The following SPAG16 variants were observed in gnomAD, a reference collection of about 807,000 sequenced individuals.
SPAG16 encodes sperm associated antigen 16, also known as sperm-associated antigen 16 protein.
Under a neutral mutation model 80.4 loss-of-function variants are expected in SPAG16, and 86 were observed. The ratio of observed to expected loss-of-function variants is 1.07; its 90% CI spans 0.90 to 1.28. The LOEUF (loss-of-function observed/expected upper bound fraction) is 1.28, where lower values mean the gene tolerates loss of function less well. SPAG16 is among the 50% of genes most tolerant of loss of function. The probability of loss-of-function intolerance (pLI) is 0.00; values close to 1 mark genes in which losing one functional copy is unlikely to be tolerated. For synonymous variants in SPAG16, 294 were observed against 265.9 expected (o/e 1.11, Z -1.03); for missense variants, 870 against 765.3 (o/e 1.14, Z -1.61).
intron 14 of SPAG16, among the ~76,000 whole-genome samples, chr2:214,112,956 G>C (rs940226255): frequency 3.3e-5 from 5 of 152,124 alleles, no homozygotes; most frequent in Non-Finnish European, 5.9e-5. Context: ...ACAGTGGCTG[G>C]TACTGGTTGT....
At chr2:213,387,486 A>G (rs1435155091) in intron 9 of SPAG16, among the ~76,000 whole-genome samples, 67 of 3,730 alleles carry the variant, frequency 0.018, 13 homozygotes, top group African/African-American at 0.026. Flanking sequence ...TCTGTCGCCC[A>G]GGCTGGAGTG....
At chr2:213,778,957 C>T (rs189085715) in intron 10 of SPAG16, among the ~76,000 whole-genome samples, 38 of 152,222 alleles carry the variant, frequency 2.5e-4, no homozygotes, top group African/African-American at 8.7e-4. Context: ...ATGACATAGC[C>T]ACCATATTTC....
At chr2:214,050,150 GA>G (rs930006600) in intron 13 of SPAG16, among the ~76,000 whole-genome samples, 3 of 151,942 alleles carry the variant, frequency 2.0e-5, no homozygotes, top group Non-Finnish European at 2.9e-5. Context: ...AAGCCATATG[GA>G]AAAAACTACC....
At chr2:213,756,941 A>G (rs191410937) in intron 10 of SPAG16, among the ~76,000 whole-genome samples, 4 of 152,340 alleles carry the variant, frequency 2.6e-5, no homozygotes, top group Middle Eastern at 3.4e-3. Context: ...TGTTGTCTTT[A>G]TAGAGCAAAG....
chr2:214,095,413 G>T (rs1346915652), intron 13 of SPAG16, among the ~76,000 whole-genome samples: 1 of 152,136 alleles, frequency 6.6e-6, no homozygotes, highest in South Asian at 2.1e-4. Context: ...CACGGTGACT[G>T]GTGTTCACTT....
chr2:213,710,700 C>G lies in SPAG16; in HGVS notation c.1071-151785C>G, dbSNP rs984934831. ...TTCCTCTGAGGTACTACTTTCGTGG[C>G]AAAACTTTAGTGACCAAGACCTTTT... On this transcript the variant is annotated intron_variant, in intron 10 of 15. Coordinates refer to ENST00000331683, the MANE Select transcript of SPAG16 (RefSeq NM_024532.5). Among the ~76,000 whole-genome samples, 3 of 152,248 alleles carry G rather than the reference C, an allele frequency of 2.0e-5. No individual in the cohort carries two copies. In the East Asian group the frequency reaches 5.8e-4, roughly 29 times the overall value.
chr2:214,228,227 C>A (rs1298272945), intron 15 of SPAG16, among the ~76,000 whole-genome samples: 4 of 151,880 alleles, frequency 2.6e-5, no homozygotes, highest in Non-Finnish European at 5.9e-5. Context: ...TGTTAACTTT[C>A]TGCAAATTTC....
intron 10 of SPAG16, among the ~76,000 whole-genome samples, chr2:213,628,231 G>A (rs529783436): frequency 6.6e-6 from 1 of 152,242 alleles, no homozygotes; most frequent in Non-Finnish European, 1.5e-5. Flanking sequence ...TTTCTTATGA[G>A]GTCAGGAAAT....
intron 9 of SPAG16, among the ~76,000 whole-genome samples, chr2:213,470,563 G>A (rs2073022502): frequency 6.6e-6 from 1 of 152,170 alleles, no homozygotes; most frequent in African/African-American, 2.4e-5. Context: ...GCCATATTGT[G>A]GGCTCAGTGT....
chr2:213,933,896 C>T (rs987377676), intron 12 of SPAG16, among the ~76,000 whole-genome samples: 1 of 152,178 alleles, frequency 6.6e-6, no homozygotes, highest in African/African-American at 2.4e-5. Context: ...ATTGTATTGA[C>T]AAGGAAACTA....
intron 10 of SPAG16, among the ~76,000 whole-genome samples, chr2:213,493,214 T>G (rs2074342508): frequency 1.3e-5 from 2 of 152,258 alleles, no homozygotes; most frequent in African/African-American, 2.4e-5. Flanking sequence ...GGATAATTGC[T>G]ATAAACTTAA....
At chr2:213,578,153 C>G (rs1037388002) in intron 10 of SPAG16, among the ~76,000 whole-genome samples, 1 of 151,944 alleles carries the variant, frequency 6.6e-6, no homozygotes, top group African/African-American at 2.4e-5. Context: ...GAAACATGAC[C>G]ACTGTAATCT....
chr2:213,820,102 T>A (rs1394375333), intron 10 of SPAG16, among the ~76,000 whole-genome samples: 2 of 151,960 alleles, frequency 1.3e-5, no homozygotes, highest in African/African-American at 2.4e-5. Context: ...TGAGATAGGA[T>A]CTCACTGTTT....
intron 15 of SPAG16, among the ~76,000 whole-genome samples, chr2:214,317,530 GC>G (rs1161386459): frequency 6.6e-6 from 1 of 152,196 alleles, no homozygotes; most frequent in Non-Finnish European, 1.5e-5. Flanking sequence ...TACTTTGGAT[GC>G]TTTAGACTAC....
chr2:214,043,720 G>A (rs1025656891), intron 13 of SPAG16, among the ~76,000 whole-genome samples: 5 of 152,200 alleles, frequency 3.3e-5, no homozygotes, highest in East Asian at 1.9e-4. Flanking sequence ...TGTAGTGGCC[G>A]AATTGCTTAG....
chr2:214,015,626 A>G (rs1027227622), intron 13 of SPAG16, among the ~76,000 whole-genome samples: 3 of 151,678 alleles, frequency 2.0e-5, no homozygotes, highest in Non-Finnish European at 2.9e-5. Flanking sequence ...AAAGAAAGAA[A>G]GGGCTGGTTT....
chr2:213,632,163 G>GT (rs1341007975), intron 10 of SPAG16, among the ~76,000 whole-genome samples: 1 of 151,874 alleles, frequency 6.6e-6, no homozygotes. Flanking sequence ...TGTTTCATCA[G>GT]TTTTTTACAG....
intron 10 of SPAG16, among the ~76,000 whole-genome samples, chr2:213,613,710 T>G (rs1574495497): frequency 7.5e-6 from 1 of 132,480 alleles, no homozygotes; most frequent in African/African-American, 2.5e-5. Context: ...CTAGAATGCA[T>G]TTTTTTCTGT....
chr2:213,705,157 A>T (rs1056127388), intron 10 of SPAG16, among the ~76,000 whole-genome samples: 11 of 151,988 alleles, frequency 7.2e-5, no homozygotes, highest in African/African-American at 2.7e-4. Flanking sequence ...CTGAGGCAGG[A>T]GAATCGTGTG....
Sources: gnomAD v4.1 joint callset for allele counts (sites outside exome capture counted in the v4.1 genomes callset) on GRCh38, gnomAD v4.1.1 for gene constraint, MANE v1.5 for transcripts, NCBI Gene and HGNC (gene_info 2026-07-23, HGNC 2026-07-21) for gene names.